GABRQ: variants seen among roughly 807,000 people sequenced by gnomAD.
GABRQ encodes the protein gamma-aminobutyric acid receptor subunit theta.
Under a neutral mutation model 30.5 loss-of-function variants are expected in GABRQ, and 19 were observed. The observed-to-expected ratio is 0.62, with a 90% CI of 0.43 to 0.91. GABRQ has a LOEUF of 0.91. GABRQ is among the 40% of genes least tolerant of loss of function. The pLI, the probability that GABRQ is intolerant of heterozygous loss-of-function variation, is 0.00. For synonymous variants in GABRQ, 187 were observed against 210.2 expected (o/e 0.89, Z 0.95); for missense variants, 520 against 521.4 (o/e 1.00, Z 0.03).
chrX:152,645,031 T>A (rs1419912372), intron 2 of GABRQ, among the ~76,000 whole-genome samples: 2 of 111,959 alleles, frequency 1.8e-5, no homozygotes, highest in Non-Finnish European at 3.8e-5. Flanking sequence ...CACTGGCACA[T>A]TCACCTGAAC....
chrX:152,649,812 G>A lies in GABRQ; in HGVS notation c.681G>A (p.Glu227=), dbSNP rs1930975014. Residue 227 remains glutamate, a synonymous_variant, in exon 6 of 9, where the codon GAG becomes GAA. Coordinates refer to ENST00000598523, the MANE Select transcript of GABRQ (RefSeq NM_018558.4). ...DNGNAIHMTE[E]LHIPQFTFLG... ...GGAACGCCATCCACATGACTGAGGA[G>A]CTGCATATCCCTCAGTTCACTTTCC... 4.3e-6 allele frequency: 5 copies of A among 1,172,516 alleles called. No homozygotes were observed. In the South Asian group the frequency reaches 7.1e-5, roughly 17 times the overall value.
At chrX:152,651,238 A>G (rs1931011752) in intron 7 of GABRQ, among the ~76,000 whole-genome samples, 1 of 112,368 alleles carries the variant, frequency 8.9e-6, no homozygotes, top group Non-Finnish European at 1.9e-5. Context: ...CAAGAACTAA[A>G]GAAAGGCAAA....
rs1290752862 is a variant in GABRQ, at chrX:152,656,805, C to A, written c.*3524C>A. On this transcript the variant is annotated 3_prime_UTR_variant, in exon 9 of 9. Transcript: ENST00000598523. ...CATGGTACCCTGCTGTGGTGATGAG[C>A]AGTAACTTTCTAGCTATTCCATAGC... The A allele has an allele frequency of 7.1e-5, 8 of 112,060 alleles. No homozygotes were observed. Among genetic ancestry groups the A allele is most frequent in the Non-Finnish European group, 3.8e-5 (2 of 53,274 alleles). The allele number at this position is 112,060 out of a possible 1,213,427, so 9.2% of individuals were successfully genotyped here. A position where few individuals can be genotyped will look rare whatever the true frequency, so the allele number is the denominator to read the frequency against.
At chrX:152,639,278 AGGG>A (rs36127418) in intron 1 of GABRQ, among the ~76,000 whole-genome samples, 2 of 72,805 alleles carry the variant, frequency 2.7e-5, no homozygotes, top group African/African-American at 9.3e-5. Flanking sequence ...GTACTCATAA[AGGG>A]GGGGGGGGTG....
In GABRQ at chrX:152,639,287, G is replaced by T. The variant is rs782818657; in HGVS notation, c.149+936G>T. On this transcript the variant is annotated intron_variant, in intron 1 of 8. Coordinates refer to ENST00000598523, the MANE Select transcript of GABRQ (RefSeq NM_018558.4). ...TAACATGTACTCATAAAGGGGGGGG[G>T]GGTGTTTGGCAAGGTTCCAGCAGAC... Among the ~76,000 whole-genome samples, 25 of 106,874 alleles carry T rather than the reference G, an allele frequency of 2.3e-4. No individual in the cohort carries two copies. In the South Asian group the frequency reaches 0.011, roughly 46 times the overall value. 92.8% of individuals were successfully genotyped at this position (106,874 alleles called of 115,157 possible). A position where few individuals can be genotyped will look rare whatever the true frequency, so the allele number is the denominator to read the frequency against.
At chrX:152,650,643 G>A (rs1025139297) in intron 7 of GABRQ, 63 bp downstream of exon 7, 1 of 917,613 alleles carries the variant, frequency 1.1e-6, no homozygotes, top group Non-Finnish European at 1.6e-6. Context: ...AAAGTTGAGA[G>A]TAAGGAAAAA....
chrX:152,652,941 T>A lies in GABRQ; in HGVS notation c.1559T>A (p.Leu520His). Residue 520 changes from leucine (L) to histidine (H), a missense_variant, in exon 9 of 9, where the codon CTT (leucine) becomes CAT (histidine). Physicochemically the swap from Leu to His is moderately conservative, Grantham distance 99. Coordinates refer to ENST00000598523, the MANE Select transcript of GABRQ (RefSeq NM_018558.4). ...HGHGPSGKPMLHHGEKGVQEA... is the reference protein window; with the variant it reads ...HGHGPSGKPMHHHGEKGVQEA... ...CATGGCCCCAGTGGGAAGCCCATGC[T>A]TCACCATGGCGAGAAGGGTGTGCAA... The A allele has an allele frequency of 3.3e-6, 4 of 1,211,426 alleles. No individual in the cohort carries two copies. Among genetic ancestry groups the A allele is most frequent in the Non-Finnish European group, 4.5e-6 (4 of 894,768 alleles).
At chrX:152,639,202 T>G in intron 1 of GABRQ, among the ~76,000 whole-genome samples, 1 of 108,259 alleles carries the variant, frequency 9.2e-6, no homozygotes, top group Admixed American at 9.8e-5. Context: ...CAAAATGAAA[T>G]TTTTGATTAA....
chrX:152,648,433 C>G (rs983116235), intron 4 of GABRQ, among the ~76,000 whole-genome samples: 12 of 107,424 alleles, frequency 1.1e-4, no homozygotes, highest in African/African-American at 4.1e-4. Flanking sequence ...GGCACAATGT[C>G]GGCTCACTGC....
chrX:152,639,503 T>C (rs1930701885), intron 1 of GABRQ, among the ~76,000 whole-genome samples: 1 of 111,837 alleles, frequency 8.9e-6, no homozygotes, highest in South Asian at 3.8e-4. Context: ...GCAAGCCCTG[T>C]TGGGGAAGGA....
rs369828344 is a variant in GABRQ at position 152,638,458 on chromosome X, G to T, written c.149+107G>T. 2.7e-5 allele frequency: 22 copies of T among 814,302 alleles called. No individual in the cohort carries two copies. In the African/African-American group the frequency reaches 3.9e-4, roughly 14 times the overall value. The allele number at this position is 814,302 out of a possible 1,213,427, so 67.1% of individuals were successfully genotyped here. ...GGCTGGGGGCGACTCGGGCTGGGGG[G>T]TACTCGGACCCGGGCTCGCTGAGCC... On this transcript the variant is annotated intron_variant, in intron 1 of 8. Coordinates refer to ENST00000598523, the MANE Select transcript of GABRQ (RefSeq NM_018558.4).
intron 5 of GABRQ, 62 bp from the exon 6 acceptor site, chrX:152,649,680 C>A: frequency 1.0e-6 from 1 of 970,895 alleles, no homozygotes. Context: ...TGTAGCATGT[C>A]TTTTTTGTGC....
In GABRQ at chrX:152,653,130, C is replaced by T. The variant is rs782172939; in HGVS notation, c.1748C>T (p.Pro583Leu). Reference protein sequence around the residue: ...DSSSESEDSCPPSPGCSFTEG... With the variant: ...DSSSESEDSCLPSPGCSFTEG... Reference sequence around the variant, plus strand: ...AGCTCAGAGTCTGAGGATAGTTGCCCCCCAAGCCCTGGGTGCTCCTTCACT... The same window carrying T: ...AGCTCAGAGTCTGAGGATAGTTGCCTCCCAAGCCCTGGGTGCTCCTTCACT... The change falls in exon 9 of 9, where the codon CCC (proline) becomes CTC (leucine). Residue 583 changes from proline (P) to leucine (L), a missense_variant. Physicochemically the swap from Pro to Leu is moderately conservative, Grantham distance 98. Coordinates refer to ENST00000598523, the MANE Select transcript of GABRQ (RefSeq NM_018558.4). 2.5e-6 allele frequency: 3 copies of T among 1,209,842 alleles called. No individual in the cohort carries two copies. Among genetic ancestry groups the T allele is most frequent in the East Asian group, 3.0e-5 (1 of 33,772 alleles).
chrX:152,650,654 G>T, intron 7 of GABRQ, 74 bp downstream of exon 7: 1 of 788,534 alleles, frequency 1.3e-6, no homozygotes, highest in African/African-American at 2.0e-5. Flanking sequence ...TAAGGAAAAA[G>T]TACCCAGAAC....
intron 8 of GABRQ, 30 bp downstream of exon 8, chrX:152,651,812 C>G (rs781812649): frequency 5.6e-5 from 67 of 1,193,335 alleles, no homozygotes; most frequent in Non-Finnish European, 7.4e-5. Flanking sequence ...AATCAGCTTT[C>G]CCTGAGCACC....
At chrX:152,649,150 C>T in intron 4 of GABRQ, 101 bp from the exon 5 acceptor site, 2 of 580,103 alleles carry the variant, frequency 3.4e-6, no homozygotes, top group Admixed American at 4.5e-5. Flanking sequence ...TGGGTCAGTC[C>T]TTGGGATAAC....
chrX:152,650,685 G>T, intron 7 of GABRQ, 105 bp downstream of exon 7: 1 of 582,757 alleles, frequency 1.7e-6, no homozygotes, highest in South Asian at 2.8e-5. Context: ...TAACTACACA[G>T]GCAAGGAAAT....
chrX:152,653,104 T>C lies in GABRQ; in HGVS notation c.1722T>C (p.Ser574=), dbSNP rs782222892. ...TGGCCCATGGCCAAGAGAAGGACAGTAGCTCAGAGTCTGAGGATAGTTGCC... is the reference window on the plus strand; with the variant it reads ...TGGCCCATGGCCAAGAGAAGGACAGCAGCTCAGAGTCTGAGGATAGTTGCC... ...ELMAHGQEKD[S]SSESEDSCPP... Residue 574 remains serine (S), a synonymous_variant, in exon 9 of 9, where the codon AGT becomes AGC. Coordinates refer to ENST00000598523, the MANE Select transcript of GABRQ (RefSeq NM_018558.4). 3 of 1,210,553 alleles carry C rather than the reference T, an allele frequency of 2.5e-6. No homozygotes were observed. The highest frequency in any genetic ancestry group is 3.5e-5 in the South Asian group (2 of 56,977).
At chrX:152,651,933 AG>A (rs1273270632) in intron 8 of GABRQ, 151 bp downstream of exon 8, 1 of 503,272 alleles carries the variant, frequency 2.0e-6, no homozygotes, top group Non-Finnish European at 3.3e-6. Flanking sequence ...CATATAACAA[AG>A]AAGTAGTACT....
Sources: gnomAD v4.1 joint callset for allele counts (sites outside exome capture counted in the v4.1 genomes callset) on GRCh38, gnomAD v4.1.1 for gene constraint, MANE v1.5 for transcripts, NCBI Gene and HGNC (gene_info 2026-07-23, HGNC 2026-07-21) for gene names.